Variants in ACSF3 observed in about 807,000 individuals in gnomAD.
ACSF3 encodes acyl-CoA synthetase family member 3.
In ACSF3, 78 loss-of-function variants were observed where a neutral mutation model predicts 53.2. That is an observed-to-expected ratio of 1.47 (90% CI 1.22 to 1.77). The LOEUF is 1.77. ACSF3 is among the 40% of genes most tolerant of loss of function. ACSF3 has a pLI of 0.00. For missense variants in ACSF3, 937 were observed against 771.1 expected, an observed-to-expected ratio of 1.22 and a Z score of -2.55; for synonymous variants, 414 against 333.1, an observed-to-expected ratio of 1.24 and a Z score of -2.65.
intron 7 of ACSF3, among the ~76,000 whole-genome samples, chr16:89,128,179 A>G (rs1182842418): frequency 6.6e-6 from 1 of 151,554 alleles, no homozygotes; most frequent in Non-Finnish European, 1.5e-5. Flanking sequence ...TAATGTGTAC[A>G]TTTAATGACG....
chr16:89,096,212 T>C (rs1282258020), intron 1 of ACSF3, among the ~76,000 whole-genome samples: 3 of 138,670 alleles, frequency 2.2e-5, no homozygotes, highest in Non-Finnish European at 4.7e-5. Flanking sequence ...ATCAGGGTGC[T>C]GCGTAGCAGG....
At chr16:89,141,314 A>G (rs1234713036) in intron 8 of ACSF3, 1 of 1,285,094 alleles carries the variant, frequency 7.8e-7, no homozygotes, top group Non-Finnish European at 1.0e-6. Flanking sequence ...ATGGGCAGGG[A>G]GATGTCGACC....
At chr16:89,097,616 T>C (rs1974775887) in intron 1 of ACSF3, among the ~76,000 whole-genome samples, 1 of 152,214 alleles carries the variant, frequency 6.6e-6, no homozygotes, top group Non-Finnish European at 1.5e-5. Context: ...CCGCCCTGGT[T>C]TGCTGCTTTC....
intron 7 of ACSF3, among the ~76,000 whole-genome samples, chr16:89,123,910 C>T (rs776675189): frequency 2.6e-5 from 4 of 152,198 alleles, no homozygotes; most frequent in Non-Finnish European, 5.9e-5. Flanking sequence ...AGGTACCACA[C>T]ACACATGCAG....
chr16:89,126,162 TA>T (rs1291458686), intron 7 of ACSF3, among the ~76,000 whole-genome samples: 1 of 152,258 alleles, frequency 6.6e-6, no homozygotes, highest in Non-Finnish European at 1.5e-5. Flanking sequence ...GTACTTGTGT[TA>T]AATTTATAAG....
In ACSF3 at chr16:89,154,211, G is replaced by A. The variant is rs184912682; in HGVS notation, c.*4G>A. ...CAGGCACTTCCACCCCTCATGACCC[G>A]GCAGACTGGGACTGCGGGTCTGGTG... is the stretch of plus-strand genomic sequence containing the variant. On this transcript the variant is annotated 3_prime_UTR_variant, in exon 11 of 11. Coordinates refer to ENST00000614302, the MANE Select transcript of ACSF3 (RefSeq NM_001243279.3). The A allele has an allele frequency of 1.3e-4, 205 of 1,612,742 alleles. No individual in the cohort carries two copies. In the African/African-American group the frequency reaches 2.2e-3, roughly 17 times the overall value.
intron 8 of ACSF3, chr16:89,136,740 C>CA (rs1567732543): frequency 7.8e-7 from 1 of 1,287,282 alleles, no homozygotes; most frequent in Non-Finnish European, 1.0e-6. Flanking sequence ...TCTGTGCCTA[C>CA]AGCCCGCTTC....
At chr16:89,105,613 C>A (rs375401638) in intron 4 of ACSF3, among the ~76,000 whole-genome samples, 1 of 152,190 alleles carries the variant, frequency 6.6e-6, no homozygotes, top group African/African-American at 2.4e-5. Context: ...GACTGGGCCC[C>A]CTCAACCTGC....
chr16:89,116,779 C>T (rs994143172), intron 6 of ACSF3, among the ~76,000 whole-genome samples: 10 of 152,096 alleles, frequency 6.6e-5, no homozygotes, highest in Admixed American at 1.3e-4. Context: ...TGCCCTGGGC[C>T]GGCTCCCGCG....
intron 4 of ACSF3, among the ~76,000 whole-genome samples, chr16:89,107,852 C>T (rs911344996): frequency 2.6e-5 from 4 of 152,172 alleles, no homozygotes; most frequent in African/African-American, 9.7e-5. Flanking sequence ...TCATACGCCC[C>T]CAGCCCCATT....
chr16:89,100,941 G>A lies in ACSF3; in HGVS notation c.260G>A (p.Gly87Glu). ...TCCCAGGAGATCTGCAGGCTCTGCG[G>A]GTGTGTCGGCGGGGACCTCCGGGAG... ...RLSQEICRLC[G>E]CVGGDLREER... Residue 87 changes from glycine (G) to glutamate (E), a missense_variant, in exon 3 of 11, where the codon GGG becomes GAG. By Grantham distance (98) the Gly-to-Glu change is moderately conservative. Coordinates refer to ENST00000614302, the MANE Select transcript of ACSF3 (RefSeq NM_001243279.3). 6.2e-7 allele frequency: 1 copy of A among 1,613,786 alleles called. No individual in the cohort carries two copies. Among genetic ancestry groups the A allele is most frequent in the Non-Finnish European group, 8.5e-7 (1 of 1,180,034 alleles).
At chr16:89,101,464 C>T in intron 3 of ACSF3, 117 bp downstream of exon 3, 1 of 1,530,628 alleles carries the variant, frequency 6.5e-7, no homozygotes, top group Non-Finnish European at 8.8e-7. Flanking sequence ...CAGTTGTCAC[C>T]ATCCTGCAGA....
chr16:89,112,623 G>A (rs956850067), intron 5 of ACSF3, among the ~76,000 whole-genome samples: 14 of 151,216 alleles, frequency 9.3e-5, no homozygotes, highest in Admixed American at 2.0e-4. Context: ...TCTCTCCATC[G>A]CTCTTCATCT....
intron 7 of ACSF3, among the ~76,000 whole-genome samples, chr16:89,126,881 T>C (rs560284508): frequency 1.1e-4 from 17 of 152,362 alleles, no homozygotes; most frequent in African/African-American, 3.6e-4. Flanking sequence ...GATTCAGTCT[T>C]TCAGCAAGTG....
chr16:89,134,977 G>C (rs1185730834), intron 8 of ACSF3, among the ~76,000 whole-genome samples: 1 of 152,152 alleles, frequency 6.6e-6, no homozygotes, highest in Non-Finnish European at 1.5e-5. Context: ...TGGTTGTGTG[G>C]CTGCAGGTAC....
chr16:89,124,689 C>T (rs1244499962), intron 7 of ACSF3, among the ~76,000 whole-genome samples: 2 of 47,992 alleles, frequency 4.2e-5, no homozygotes, highest in Non-Finnish European at 9.5e-5. Flanking sequence ...CATATGCACA[C>T]ACTGCATGTG....
chr16:89,095,909 C>A (rs1050174638), intron 1 of ACSF3, among the ~76,000 whole-genome samples: 4 of 152,188 alleles, frequency 2.6e-5, no homozygotes, highest in Admixed American at 2.6e-4. Context: ...CAAGTCGAAG[C>A]CTGTGGTGAC....
chr16:89,111,847 CA>C, intron 4 of ACSF3, among the ~76,000 whole-genome samples: 1 of 152,358 alleles, frequency 6.6e-6, no homozygotes, highest in East Asian at 1.9e-4. Context: ...CTCCAGGCCA[CA>C]GATCCCGAAG....
At chr16:89,119,371 A>C (rs1906048364) in intron 6 of ACSF3, among the ~76,000 whole-genome samples, 1 of 152,174 alleles carries the variant, frequency 6.6e-6, no homozygotes, top group Admixed American at 6.5e-5. Flanking sequence ...CGCCCAGAAC[A>C]GAAAAACCAC....
Sources: gnomAD v4.1 joint callset for allele counts (sites outside exome capture counted in the v4.1 genomes callset) on GRCh38, gnomAD v4.1.1 for gene constraint, MANE v1.5 for transcripts, NCBI Gene and HGNC (gene_info 2026-07-23, HGNC 2026-07-21) for gene names.